BAZ2B: variants seen among roughly 807,000 people sequenced by gnomAD.
BAZ2B encodes bromodomain adjacent to zinc finger domain 2B, also known as bromodomain adjacent to zinc finger domain protein 2B.
A neutral mutation model predicts 246.0 loss-of-function variants in BAZ2B; 91 were observed. The ratio of observed to expected loss-of-function variants is 0.37; its 90% CI spans 0.31 to 0.44. The LOEUF is 0.44. Ranked by LOEUF, BAZ2B falls within the 20% of genes least tolerant of loss-of-function variation. The probability of loss-of-function intolerance (pLI) is 1.00; values close to 1 mark genes in which losing one functional copy is unlikely to be tolerated. For synonymous variants in BAZ2B, 855 were observed against 860.0 expected (o/e 0.99, Z 0.10); for missense variants, 2,332 against 2,533.7 (o/e 0.92, Z 1.71).
chr2:159,662,038 G>A, the BAZ2B span, among the ~76,000 whole-genome samples: 6 of 152,156 alleles, frequency 3.9e-5, no homozygotes, highest in East Asian at 9.6e-4. Flanking sequence ...ACCACCAATC[G>A]ACTGTCTGTC....
intron 13 of BAZ2B, among the ~76,000 whole-genome samples, chr2:159,414,629 C>T (rs566472988): frequency 1.3e-3 from 192 of 151,920 alleles, no homozygotes; most frequent in Non-Finnish European, 2.3e-3. Context: ...ACAGCCTGGC[C>T]AACATGGTGA....
At chr2:159,672,915 G>T in the BAZ2B span, among the ~76,000 whole-genome samples, 1 of 152,076 alleles carries the variant, frequency 6.6e-6, no homozygotes, top group Non-Finnish European at 1.5e-5. Flanking sequence ...AAGAGTGAAA[G>T]AAAACATATA....
chr2:159,686,337 T>C, the BAZ2B span, among the ~76,000 whole-genome samples: 1 of 152,220 alleles, frequency 6.6e-6, no homozygotes, highest in Non-Finnish European at 1.5e-5. Flanking sequence ...AGAGATCATG[T>C]TGATAGCATC....
chr2:159,429,095 C>G (rs1559379690), intron 11 of BAZ2B, 105 bp downstream of exon 11: 1 of 731,694 alleles, frequency 1.4e-6, no homozygotes, highest in Non-Finnish European at 2.1e-6. Context: ...TACTATGCAG[C>G]TATGTACTTC....
chr2:159,465,533 T>G (rs1431825621), intron 3 of BAZ2B, among the ~76,000 whole-genome samples: 2 of 152,206 alleles, frequency 1.3e-5, no homozygotes, highest in Non-Finnish European at 2.9e-5. Flanking sequence ...TACAAAGTTC[T>G]ACTAAAAAGT....
chr2:159,705,479 A>G, the BAZ2B span, among the ~76,000 whole-genome samples: 1 of 152,262 alleles, frequency 6.6e-6, no homozygotes, highest in Admixed American at 6.5e-5. Context: ...TAGAAAACCC[A>G]GAAATATATT....
At position 159,496,111 on chromosome 2, in the gene BAZ2B, C is replaced by G. The variant is rs111227521; in HGVS notation, c.-2-17390G>C. ...AAAAATTAGGCTGAGCACGGTGGCT[C>G]ACGCCTGTAATCCCAGCACTTTGGG... On this transcript the variant is annotated intron_variant, in intron 2 of 36. Coordinates refer to ENST00000392783, the MANE Select transcript of BAZ2B (RefSeq NM_013450.4). 2.7e-5 allele frequency among the ~76,000 whole-genome samples: 4 copies of G among 149,858 alleles called. 1 individual carries two copies. The highest frequency in any genetic ancestry group is 9.7e-5 in the African/African-American group (4 of 41,202).
chr2:159,343,710 C>T (rs1358341388), intron 31 of BAZ2B, among the ~76,000 whole-genome samples: 2 of 151,664 alleles, frequency 1.3e-5, no homozygotes, highest in African/African-American at 4.8e-5. Context: ...TATCTCACCC[C>T]AGTTAGAATG....
chr2:159,543,198 T>C (rs1219091380), intron 2 of BAZ2B, among the ~76,000 whole-genome samples: 1 of 152,228 alleles, frequency 6.6e-6, no homozygotes, highest in African/African-American at 2.4e-5. Context: ...ATTTTAGTTC[T>C]TATTTCCTTG....
intron 9 of BAZ2B, 84 bp from the exon 10 acceptor site, chr2:159,431,240 G>T: frequency 6.7e-7 from 1 of 1,487,650 alleles, no homozygotes. Flanking sequence ...ACTAGCTCAG[G>T]AACCAGCACC....
At chr2:159,667,025 C>T in the BAZ2B span, among the ~76,000 whole-genome samples, 10 of 151,826 alleles carry the variant, frequency 6.6e-5, no homozygotes, top group Admixed American at 2.0e-4. Context: ...CAGCAAACCA[C>T]CATGGCACAT....
the BAZ2B span, among the ~76,000 whole-genome samples, chr2:159,658,615 T>A: frequency 6.6e-6 from 1 of 152,182 alleles, no homozygotes; most frequent in African/African-American, 2.4e-5. Flanking sequence ...CCTCCCAGGT[T>A]CAAGAGATTC....
intron 3 of BAZ2B, among the ~76,000 whole-genome samples, chr2:159,470,617 G>A (rs2077663578): frequency 6.6e-6 from 1 of 152,150 alleles, no homozygotes; most frequent in Non-Finnish European, 1.5e-5. Context: ...GTGCAGACTA[G>A]GGCAGTGGTA....
chr2:159,625,548 C>T, the BAZ2B span, among the ~76,000 whole-genome samples: 1 of 152,146 alleles, frequency 6.6e-6, no homozygotes, highest in Non-Finnish European at 1.5e-5. Context: ...AAAGAATTTT[C>T]AACCCAGAAT....
At chr2:159,505,591 T>C (rs894884311) in intron 2 of BAZ2B, among the ~76,000 whole-genome samples, 2 of 152,116 alleles carry the variant, frequency 1.3e-5, no homozygotes, top group African/African-American at 2.4e-5. Flanking sequence ...AAAGATGCTA[T>C]AAGACTCACT....
chr2:159,642,380 G>A, the BAZ2B span, among the ~76,000 whole-genome samples: 3 of 151,780 alleles, frequency 2.0e-5, no homozygotes, highest in Non-Finnish European at 4.4e-5. Context: ...TGGGATTATA[G>A]GTGCCAGCCA....
the BAZ2B span, chr2:159,711,025 G>C: frequency 9.2e-5 from 14 of 152,300 alleles, no homozygotes; most frequent in East Asian, 2.5e-3. Context: ...CAATGCTACA[G>C]AGCATGGGTA....
chr2:159,598,018 G>A (rs954806634), intron 1 of BAZ2B, among the ~76,000 whole-genome samples: 11 of 148,594 alleles, frequency 7.4e-5, no homozygotes, highest in Non-Finnish European at 1.3e-4. Context: ...TTTCTGAGAC[G>A]GAGTCTCGCT....
chr2:159,619,240 C>A (rs1440225631), upstream of BAZ2B, among the ~76,000 whole-genome samples: 1 of 151,750 alleles, frequency 6.6e-6, no homozygotes, highest in East Asian at 1.9e-4. Flanking sequence ...CCATATACAA[C>A]CCAAAGTTGT....
Sources: allele counts gnomAD v4.1 joint callset (sites outside exome capture counted in the v4.1 genomes callset), GRCh38; gene constraint gnomAD v4.1.1; transcripts MANE v1.5; gene names NCBI Gene and HGNC (gene_info 2026-07-23, HGNC 2026-07-21).